The following KIF13A variants were observed in gnomAD, a reference collection of about 807,000 sequenced individuals.
The protein encoded by KIF13A is kinesin family member 13A.
In KIF13A, 79 loss-of-function variants were observed where a neutral mutation model predicts 212.2. That is an observed-to-expected ratio of 0.37 (90% CI 0.31 to 0.45). The LOEUF is 0.45. Among genes scored for constraint, KIF13A ranks in the 20% least tolerant of loss-of-function variants. KIF13A has a pLI of 1.00. For synonymous variants in KIF13A, 789 were observed against 808.6 expected, an observed-to-expected ratio of 0.98 and a Z score of 0.41; for missense variants, 1,901 against 2,209.0, an observed-to-expected ratio of 0.86 and a Z score of 2.79.
At chr6:17,806,117 T>C (rs1295965308) in intron 18 of KIF13A, among the ~76,000 whole-genome samples, 3 of 151,914 alleles carry the variant, frequency 2.0e-5, no homozygotes, top group Admixed American at 1.3e-4. Context: ...TTTTTTTGTA[T>C]AGATGGGGTT....
intron 2 of KIF13A, among the ~76,000 whole-genome samples, chr6:17,962,742 T>TCTCTCC (rs1267461968): frequency 6.6e-6 from 1 of 152,194 alleles, no homozygotes; most frequent in Non-Finnish European, 1.5e-5. Flanking sequence ...CCTCTCTCTC[T>TCTCTCC]CTCTCCCTTT....
Position 17,771,064 on chromosome 6 carries a change from G to A in KIF13A, c.4581+50C>T. 3 of 1,188,304 alleles carry A rather than the reference G, an allele frequency of 2.5e-6. No individual in the cohort carries two copies. The highest frequency in any genetic ancestry group is 1.3e-5 in the South Asian group (1 of 78,222). 73.6% of individuals were successfully genotyped at this position (1,188,304 alleles called of 1,614,324 possible). ...CATTTGGATGATTGTCTGTGAAAGG[G>A]CCTTAAACCCACCACCAGGCAATAT... On this transcript the variant is annotated intron_variant, in intron 38 of 38. Transcript: ENST00000259711. The surrounding 1 kb of genome is among the most constrained non-coding windows in gnomAD (Gnocchi z 5.4).
At position 17,947,412 on chromosome 6, in the gene KIF13A, A is replaced by G. The variant is rs1777499736; in HGVS notation, c.146+39642T>C. 6.6e-6 allele frequency among the ~76,000 whole-genome samples: 1 copy of G among 152,240 alleles called. No homozygotes were observed. The highest frequency in any genetic ancestry group is 1.5e-5 in the Non-Finnish European group (1 of 68,038). ...AACATAAGGAGAATAAACTTATTTT[A>G]GCAAAATTTGATAATACCTAATAAT... On this transcript the variant is annotated intron_variant, in intron 2 of 38. Coordinates refer to ENST00000259711, the MANE Select transcript of KIF13A (RefSeq NM_022113.6). The surrounding 1 kb of genome is among the most constrained non-coding windows in gnomAD (Gnocchi z 4.6).
intron 3 of KIF13A, among the ~76,000 whole-genome samples, chr6:17,879,437 C>T (rs1770862405): frequency 6.6e-6 from 1 of 152,176 alleles, no homozygotes; most frequent in Non-Finnish European, 1.5e-5. Flanking sequence ...GAGGTTCAAG[C>T]TGCAGGATAT....
intron 3 of KIF13A, among the ~76,000 whole-genome samples, chr6:17,880,877 C>T (rs1771003006): frequency 6.6e-6 from 1 of 152,124 alleles, no homozygotes; most frequent in Admixed American, 6.5e-5. Flanking sequence ...ACCTCGACCT[C>T]CCAAAGTGCT....
At position 17,982,596 on chromosome 6, in the gene KIF13A, C is replaced by T. The variant is rs1005890005; in HGVS notation, c.146+4458G>A. The stretch of plus-strand genomic sequence containing the variant: ...GCTAAAAACTTTCATGCTCTTCTAC[C>T]GAGAGCCCATATTTAGCCCAACATT... On this transcript the variant is annotated intron_variant, in intron 2 of 38. Transcript: ENST00000259711. The surrounding 1 kb of genome is among the most constrained non-coding windows in gnomAD (Gnocchi z 5.1). 2.0e-5 allele frequency among the ~76,000 whole-genome samples: 3 copies of T among 152,108 alleles called. No homozygotes were observed. Among genetic ancestry groups the T allele is most frequent in the Non-Finnish European group, 4.4e-5 (3 of 68,012 alleles).
At chr6:17,774,467 G>A (rs1759760475) in intron 35 of KIF13A, among the ~76,000 whole-genome samples, 1 of 152,014 alleles carries the variant, frequency 6.6e-6, no homozygotes, top group African/African-American at 2.4e-5. Flanking sequence ...AAGTAACAAT[G>A]TAATACTGAA....
At chr6:17,803,133 A>C (rs553788071) in intron 20 of KIF13A, among the ~76,000 whole-genome samples, 1 of 151,800 alleles carries the variant, frequency 6.6e-6, no homozygotes, top group East Asian at 1.9e-4. Context: ...ACGGGGTTTC[A>C]CCATATTGGC....
At chr6:17,801,713 T>TA (rs982643780) in intron 20 of KIF13A, among the ~76,000 whole-genome samples, 70 of 152,326 alleles carry the variant, frequency 4.6e-4, no homozygotes, top group Middle Eastern at 3.4e-3. Context: ...GCGCAGCTTT[T>TA]ATTCTCTTGA....
chr6:17,783,126 C>T lies in KIF13A; in HGVS notation c.3544+520G>A, dbSNP rs561336592. Among the ~76,000 whole-genome samples, 2 of 152,190 alleles carry T rather than the reference C, an allele frequency of 1.3e-5. No homozygotes were observed. Among genetic ancestry groups the T allele is most frequent in the Admixed American group, 6.5e-5 (1 of 15,286 alleles). On this transcript the variant is annotated intron_variant, in intron 29 of 38. Coordinates refer to ENST00000259711, the MANE Select transcript of KIF13A (RefSeq NM_022113.6). The surrounding 1 kb of genome is among the most constrained non-coding windows in gnomAD (Gnocchi z 4.3). ...CCCACTGCAAACTCAGCAACTCTGC[C>T]GTTGTTTTCTACACATGGGGTTCCA...
Position 17,897,084 on chromosome 6 carries a change from T to C in KIF13A, c.159+1084A>G, listed in dbSNP as rs1325427478. On this transcript the variant is annotated intron_variant, in intron 3 of 38. Coordinates refer to ENST00000259711, the MANE Select transcript of KIF13A (RefSeq NM_022113.6). This position sits in a 1 kb window ranked among gnomAD's most constrained non-coding sequence, Gnocchi z 4.8. The stretch of plus-strand genomic sequence containing the variant: ...ATTTCCTCTTTCTTAACAGATCTTA[T>C]ATCATTTGTTCAATGCATGCCTTCC... Among the ~76,000 whole-genome samples, 4 of 152,220 alleles carry C rather than the reference T, an allele frequency of 2.6e-5. No individual in the cohort carries two copies. The highest frequency in any genetic ancestry group is 1.3e-4 in the Admixed American group (2 of 15,278).
chr6:17,784,855 A>G lies in KIF13A; in HGVS notation c.3488+660T>C, dbSNP rs186339578. On this transcript the variant is annotated intron_variant, in intron 28 of 38. Coordinates refer to ENST00000259711, the MANE Select transcript of KIF13A (RefSeq NM_022113.6). ...CTGCAGATTCAGAGTCTCTAGTTTC[A>G]GAAAACAGACCACGAAACTGATTAC... Among the ~76,000 whole-genome samples, 58 of 152,338 alleles carry G rather than the reference A, an allele frequency of 3.8e-4. No individual in the cohort carries two copies. In the East Asian group the frequency reaches 9.9e-3, roughly 26 times the overall value.
intron 2 of KIF13A, among the ~76,000 whole-genome samples, chr6:17,952,688 T>C (rs755613296): frequency 7.2e-5 from 11 of 151,956 alleles, no homozygotes; most frequent in Admixed American, 4.6e-4. Flanking sequence ...CCCAGCACTT[T>C]GGGAGGCTGA....
At chr6:17,822,039 A>AATTATT in intron 16 of KIF13A, 1 of 692,416 alleles carries the variant, frequency 1.4e-6, no homozygotes, top group Non-Finnish European at 2.1e-6. Flanking sequence ...GGGAAACATA[A>AATTATT]CTTCTTTTTT....
At chr6:17,905,794 A>G (rs12195018) in intron 2 of KIF13A, among the ~76,000 whole-genome samples, 15,927 of 152,170 alleles carry the variant, frequency 0.1, 1,152 homozygotes, top group African/African-American at 0.18. Flanking sequence ...GACTCATGGG[A>G]TTGTTCTGTT....
intron 2 of KIF13A, among the ~76,000 whole-genome samples, chr6:17,948,677 C>T (rs951579689): frequency 4.8e-5 from 7 of 146,128 alleles, no homozygotes; most frequent in African/African-American, 1.8e-4. Flanking sequence ...TTCTCTGCAT[C>T]AGCCTCCCGA....
chr6:17,864,278 C>A (rs1409892469), intron 4 of KIF13A, among the ~76,000 whole-genome samples: 1 of 152,182 alleles, frequency 6.6e-6, no homozygotes, highest in African/African-American at 2.4e-5. Flanking sequence ...CAAGCCTGAC[C>A]TCACTTGTTA....
Position 17,772,954 on chromosome 6 carries a change from T to C in KIF13A, c.4324+524A>G, listed in dbSNP as rs1468298848. Among the ~76,000 whole-genome samples the C allele has an allele frequency of 5.9e-5, 9 of 152,188 alleles. No individual in the cohort carries two copies. The highest frequency in any genetic ancestry group is 1.3e-4 in the Non-Finnish European group (9 of 68,036). On this transcript the variant is annotated intron_variant, in intron 36 of 38. Transcript: ENST00000259711. This position sits in a 1 kb window ranked among gnomAD's most constrained non-coding sequence, Gnocchi z 4.8. ...CGAATATACCTTATATTTTACCTAC[T>C]AATATAAGGTATAAGGTAACAGAAC... is the stretch of plus-strand genomic sequence containing the variant.
chr6:17,805,619 C>A lies in KIF13A; in HGVS notation c.2164-4G>T, dbSNP rs371941991. 8 of 1,594,098 alleles carry A rather than the reference C, an allele frequency of 5.0e-6. No individual in the cohort carries two copies. The highest frequency in any genetic ancestry group is 6.8e-6 in the Non-Finnish European group (8 of 1,169,330). On this transcript the variant is annotated splice_polypyrimidine_tract_variant and splice_region_variant and intron_variant, in intron 18 of 38. Coordinates refer to ENST00000259711, the MANE Select transcript of KIF13A (RefSeq NM_022113.6). ...GTTCACTCACTATTGCACCTCTCTG[C>A]ATAAGGAAGAAAAACAAAACAAACC...
Sources: gnomAD v4.1 joint callset for allele counts (sites outside exome capture counted in the v4.1 genomes callset) on GRCh38, gnomAD v4.1.1 for gene constraint, Gnocchi (gnomAD v3.1) non-coding constraint, MANE v1.5 for transcripts, NCBI Gene and HGNC (gene_info 2026-07-23, HGNC 2026-07-21) for gene names.